HACE1: variants seen among roughly 807,000 people sequenced by gnomAD.
The protein encoded by HACE1 is HECT domain and ankyrin repeat containing E3 ubiquitin protein ligase 1, also known as E3 ubiquitin-protein ligase HACE1.
HACE1 carries 73 observed loss-of-function variants against 118.4 expected under a neutral mutation model. That is an observed-to-expected ratio of 0.62 (90% CI 0.51 to 0.75). The LOEUF is 0.75. Ranked by LOEUF, HACE1 falls within the 30% of genes least tolerant of loss-of-function variation. The pLI, the probability that HACE1 is intolerant of heterozygous loss-of-function variation, is 0.00. For synonymous variants in HACE1, 368 were observed against 374.8 expected (o/e 0.98, Z 0.21); for missense variants, 749 against 1,102.2 (o/e 0.68, Z 4.54).
intron 1 of HACE1, among the ~76,000 whole-genome samples, chr6:104,856,929 C>G (rs1160895830): frequency 6.6e-6 from 1 of 152,048 alleles, no homozygotes; most frequent in African/African-American, 2.4e-5. Context: ...TATCAAACAT[C>G]TATAGTTTCA....
Position 104,783,786 on chromosome 6 carries a change from G to A in HACE1, c.1566+300C>T, listed in dbSNP as rs767165120. ...GCATATGTTATGTAATTTCCCAAAT[G>A]TATTTGGGGGCTAAAATCCTTTTCA... On this transcript the variant is annotated intron_variant, in intron 14 of 23. Transcript: ENST00000262903. 6.6e-5 allele frequency among the ~76,000 whole-genome samples: 10 copies of A among 152,336 alleles called. No individual in the cohort carries two copies. The South Asian group carries it at 1.2e-3, about 19-fold the overall frequency.
chr6:104,753,782 G>A lies in HACE1; in HGVS notation c.2212-3310C>T, dbSNP rs557290512. Among the ~76,000 whole-genome samples the A allele has an allele frequency of 3.3e-5, 5 of 152,260 alleles. No individual in the cohort carries two copies. The South Asian group carries it at 1.0e-3, about 32-fold the overall frequency. ...ACCTCAAAGAACAAAGGTAGATTAA[G>A]GCCAAAAAGATGAGAAAGAATCAAC... On this transcript the variant is annotated intron_variant, in intron 19 of 23. Coordinates refer to ENST00000262903, the MANE Select transcript of HACE1 (RefSeq NM_020771.4).
At chr6:104,826,641 T>C (rs75854263) in intron 6 of HACE1, among the ~76,000 whole-genome samples, 1,757 of 152,330 alleles carry the variant, frequency 0.012, 28 homozygotes, top group African/African-American at 0.04. Flanking sequence ...ATTTACTAAA[T>C]GCAAACACGT....
chr6:104,739,893 C>A (rs200029689), intron 22 of HACE1, among the ~76,000 whole-genome samples: 7,996 of 94,660 alleles, frequency 0.084, no homozygotes, highest in African/African-American at 0.14. Context: ...TACACCTATT[C>A]CAAAATTGAC....
chr6:104,796,804 A>G (rs1198462629), intron 8 of HACE1, 48 bp from the exon 9 acceptor site: 12 of 1,194,870 alleles, frequency 1.0e-5, no homozygotes, highest in Non-Finnish European at 1.5e-5. Flanking sequence ...AGTCCCTTTT[A>G]AAGTTCATAT....
chr6:104,837,244 G>A (rs547916666), intron 5 of HACE1, among the ~76,000 whole-genome samples: 2 of 152,326 alleles, frequency 1.3e-5, no homozygotes, highest in Non-Finnish European at 2.9e-5. Flanking sequence ...AAGACTTACA[G>A]CTACAGTAAT....
chr6:104,735,511 G>C (rs1182867519), intron 22 of HACE1, among the ~76,000 whole-genome samples: 1 of 151,954 alleles, frequency 6.6e-6, no homozygotes, highest in Non-Finnish European at 1.5e-5. Context: ...GGTGCCTATA[G>C]TCCCAGCTAC....
At chr6:104,838,876 A>C (rs1253097931) in intron 5 of HACE1, among the ~76,000 whole-genome samples, 1 of 141,054 alleles carries the variant, frequency 7.1e-6, no homozygotes, top group Non-Finnish European at 1.5e-5. Flanking sequence ...TAAGGAACTC[A>C]AACAACTCCA....
intron 11 of HACE1, among the ~76,000 whole-genome samples, chr6:104,789,936 A>G (rs1782835767): frequency 6.6e-6 from 1 of 152,186 alleles, no homozygotes; most frequent in South Asian, 2.1e-4. Flanking sequence ...AGAGTAGGTC[A>G]ATAATGTAGA....
At position 104,859,745 on chromosome 6, in the gene HACE1, G is replaced by T; in HGVS notation, c.-103C>A. The T allele has an allele frequency of 9.1e-7, 1 of 1,099,434 alleles. No individual in the cohort carries two copies. Among genetic ancestry groups the T allele is most frequent in the Non-Finnish European group, 1.3e-6 (1 of 770,450 alleles). 68.1% of individuals were successfully genotyped at this position (1,099,434 alleles called of 1,614,324 possible). A position where few individuals can be genotyped will look rare whatever the true frequency, so the allele number is the denominator to read the frequency against. On this transcript the variant is annotated 5_prime_UTR_variant, in exon 1 of 24. Coordinates refer to ENST00000262903, the MANE Select transcript of HACE1 (RefSeq NM_020771.4). ...CTGGGCCCGTCCAGCAGGCGGAGAC[G>T]CGGGCTTGCCCCGGCTAGAGCACTG...
chr6:104,747,920 G>T (rs1346821376), intron 20 of HACE1, among the ~76,000 whole-genome samples: 1 of 151,928 alleles, frequency 6.6e-6, no homozygotes, highest in Admixed American at 6.6e-5. Flanking sequence ...CTAGGAACCT[G>T]ATCTAAATTT....
chr6:104,743,899 G>T (rs942663822), intron 22 of HACE1, among the ~76,000 whole-genome samples: 14 of 151,948 alleles, frequency 9.2e-5, no homozygotes, highest in African/African-American at 3.4e-4. Flanking sequence ...AGAGCAAAAA[G>T]ATTTCCAAAT....
At chr6:104,842,728 G>C (rs947711492) in intron 5 of HACE1, among the ~76,000 whole-genome samples, 35 of 152,162 alleles carry the variant, frequency 2.3e-4, no homozygotes, top group African/African-American at 8.4e-4. Context: ...ACTTAAAAAG[G>C]AGAAGAGAGA....
chr6:104,823,560 A>T (rs1310764374), intron 6 of HACE1, among the ~76,000 whole-genome samples: 1 of 152,170 alleles, frequency 6.6e-6, no homozygotes, highest in Non-Finnish European at 1.5e-5. Context: ...CTATTAAAAG[A>T]AACATATTTT....
intron 22 of HACE1, among the ~76,000 whole-genome samples, chr6:104,742,142 C>T (rs1176481986): frequency 3.0e-5 from 4 of 132,458 alleles, no homozygotes; most frequent in South Asian, 4.6e-4. Flanking sequence ...CTTCCTTACA[C>T]CTTATACAAA....
At chr6:104,801,381 T>C (rs1167967540) in intron 7 of HACE1, among the ~76,000 whole-genome samples, 1 of 151,954 alleles carries the variant, frequency 6.6e-6, no homozygotes, top group Non-Finnish European at 1.5e-5. Context: ...ACAAAGATGC[T>C]CCTCAAGAAG....
At chr6:104,819,082 A>C (rs2115007671) in intron 6 of HACE1, among the ~76,000 whole-genome samples, 1 of 152,394 alleles carries the variant, frequency 6.6e-6, no homozygotes, top group Non-Finnish European at 1.5e-5. Context: ...AACAAATAGC[A>C]AGAAAAGAAG....
chr6:104,777,687 G>A (rs190851564), intron 14 of HACE1, among the ~76,000 whole-genome samples: 15 of 152,144 alleles, frequency 9.9e-5, no homozygotes, highest in South Asian at 4.2e-4. Flanking sequence ...ATTACGTTGC[G>A]TGTTCCATTT....
At chr6:104,769,238 T>A (rs1221726344) in intron 19 of HACE1, among the ~76,000 whole-genome samples, 1 of 152,138 alleles carries the variant, frequency 6.6e-6, no homozygotes, top group East Asian at 1.9e-4. Flanking sequence ...TCTCACTATG[T>A]TGCCCAGGCT....
Sources: gnomAD v4.1 joint callset for allele counts (sites outside exome capture counted in the v4.1 genomes callset) on GRCh38, gnomAD v4.1.1 for gene constraint, MANE v1.5 for transcripts, NCBI Gene and HGNC (gene_info 2026-07-23, HGNC 2026-07-21) for gene names.